Variants in PCDH15 observed in about 807,000 individuals in gnomAD.
PCDH15 encodes protocadherin-15.
A neutral mutation model predicts 178.5 loss-of-function variants in PCDH15; 129 were observed. The ratio of observed to expected loss-of-function variants is 0.72; its 90% CI spans 0.63 to 0.84. PCDH15 has a LOEUF of 0.84. Ranked by LOEUF, PCDH15 falls within the 40% of genes least tolerant of loss-of-function variation. The pLI, the probability that PCDH15 is intolerant of heterozygous loss-of-function variation, is 0.00. For synonymous variants in PCDH15, 800 were observed against 732.0 expected (o/e 1.09, Z -1.50); for missense variants, 2,230 against 2,099.9 (o/e 1.06, Z -1.21).
At chr10:55,609,413 C>T (rs916076037) in intron 2 of PCDH15, among the ~76,000 whole-genome samples, 3 of 152,056 alleles carry the variant, frequency 2.0e-5, no homozygotes, top group African/African-American at 7.2e-5. Context: ...TCTCATAGCT[C>T]TCATGGTAAT....
intron 2 of PCDH15, among the ~76,000 whole-genome samples, chr10:55,575,312 A>T (rs1291410372): frequency 6.6e-6 from 1 of 152,126 alleles, no homozygotes; most frequent in African/African-American, 2.4e-5. Context: ...ATCAGAGGTA[A>T]AAAAAGACAA....
At chr10:54,878,823 C>G (rs1954203062) in intron 3 of PCDH15, among the ~76,000 whole-genome samples, 2 of 152,068 alleles carry the variant, frequency 1.3e-5, no homozygotes, top group Non-Finnish European at 1.5e-5. Flanking sequence ...GCTCTCCCTC[C>G]CCCTACCCCA....
At chr10:54,279,038 C>T (rs949428767) in intron 8 of PCDH15, among the ~76,000 whole-genome samples, 1 of 151,410 alleles carries the variant, frequency 6.6e-6, no homozygotes, top group Non-Finnish European at 1.5e-5. Flanking sequence ...GCCTTTAAGC[C>T]CTCCTTTTTA....
intron 2 of PCDH15, among the ~76,000 whole-genome samples, chr10:54,598,654 G>A (rs746811324): frequency 6.6e-6 from 1 of 152,070 alleles, no homozygotes; most frequent in East Asian, 1.9e-4. Context: ...GAAATAAAAG[G>A]CATCCAAATA....
chr10:54,316,562 ACACACACACAC>A (rs755453378), intron 8 of PCDH15, among the ~76,000 whole-genome samples: 12 of 90,764 alleles, frequency 1.3e-4, no homozygotes, highest in African/African-American at 3.9e-4. Flanking sequence ...ACACACACAC[ACACACACACAC>A]ACAAATACAC....
intron 28 of PCDH15, among the ~76,000 whole-genome samples, chr10:53,852,208 G>A (rs959088441): frequency 2.0e-5 from 3 of 151,936 alleles, no homozygotes; most frequent in African/African-American, 4.8e-5. Flanking sequence ...ACAATTATTT[G>A]CCAATTATTT....
chr10:54,756,266 A>T (rs1036161627), intron 1 of PCDH15, among the ~76,000 whole-genome samples: 2 of 152,066 alleles, frequency 1.3e-5, no homozygotes, highest in Non-Finnish European at 2.9e-5. Context: ...ATAAAAAAGT[A>T]AAAAATAAAA....
chr10:54,627,235 G>A (rs1048344538), intron 2 of PCDH15, among the ~76,000 whole-genome samples: 1 of 152,028 alleles, frequency 6.6e-6, no homozygotes, highest in Admixed American at 6.6e-5. Context: ...GGGGACTCTC[G>A]GGAAGGCATA....
intron 15 of PCDH15, among the ~76,000 whole-genome samples, chr10:54,117,205 G>T (rs1220266259): frequency 6.6e-6 from 1 of 152,102 alleles, no homozygotes; most frequent in African/African-American, 2.4e-5. Flanking sequence ...GTGAATGTGG[G>T]GTCCAGTCAC....
chr10:53,998,083 T>C (rs112685979), intron 20 of PCDH15, among the ~76,000 whole-genome samples: 6 of 152,286 alleles, frequency 3.9e-5, no homozygotes, highest in African/African-American at 1.4e-4. Flanking sequence ...AAATGTTCTC[T>C]TGTGCAGTAA....
rs558999264 is a variant in PCDH15, at chr10:53,929,232, G to A, written c.3373+9583C>T. Among the ~76,000 whole-genome samples, 10 of 152,128 alleles carry A rather than the reference G, an allele frequency of 6.6e-5. No individual in the cohort carries two copies. In the East Asian group the frequency reaches 1.9e-3, roughly 29 times the overall value. ...ACCATGTTTCAAATCACATTTCCAA[G>A]GAAACCTATTGTGCACAATGCAATT... On this transcript the variant is annotated intron_variant, in intron 25 of 37. Coordinates refer to ENST00000644397, the MANE Select transcript of PCDH15 (RefSeq NM_001384140.1).
chr10:54,239,432 T>TATATATATAGAGAGAGAGAG (rs1554853331), intron 8 of PCDH15, among the ~76,000 whole-genome samples: 177 of 150,638 alleles, frequency 1.2e-3, no homozygotes, highest in African/African-American at 4.2e-3. Context: ...TATATATATA[T>TATATATATAGAGAGAGAGAG]AGAGTAAGAA....
intron 26 of PCDH15, 137 bp downstream of exon 26, chr10:53,903,106 A>G (rs1463296533): frequency 1.1e-5 from 10 of 928,314 alleles, no homozygotes; most frequent in African/African-American, 1.7e-5. Context: ...TTAGATAACT[A>G]AACTAATATA....
At chr10:54,850,602 T>C (rs1033420891) in intron 3 of PCDH15, among the ~76,000 whole-genome samples, 1 of 152,174 alleles carries the variant, frequency 6.6e-6, no homozygotes, top group Non-Finnish European at 1.5e-5. Context: ...TTTCATAATG[T>C]ATGTGTAACC....
At chr10:54,060,180 T>A (rs1166737601) in intron 18 of PCDH15, among the ~76,000 whole-genome samples, 1 of 152,228 alleles carries the variant, frequency 6.6e-6, no homozygotes, top group Non-Finnish European at 1.5e-5. Flanking sequence ...AAGACCAAGC[T>A]TTGGCTAACA....
chr10:54,882,708 G>C (rs1371573658), intron 3 of PCDH15, among the ~76,000 whole-genome samples: 1 of 151,872 alleles, frequency 6.6e-6, no homozygotes, highest in Admixed American at 6.6e-5. Context: ...ATTATACTTA[G>C]TTTTCCATTT....
chr10:55,576,624 A>G (rs1564462303), intron 2 of PCDH15, among the ~76,000 whole-genome samples: 1 of 152,180 alleles, frequency 6.6e-6, no homozygotes. Context: ...AAATGTTTTT[A>G]GTTTCAAATC....
At chr10:54,140,118 T>G (rs1280193714) in intron 14 of PCDH15, among the ~76,000 whole-genome samples, 3 of 152,174 alleles carry the variant, frequency 2.0e-5, no homozygotes, top group African/African-American at 7.2e-5. Flanking sequence ...TTTGGCTAAT[T>G]AGCATTGTTC....
chr10:53,891,043 C>T (rs2081520653), intron 26 of PCDH15, among the ~76,000 whole-genome samples: 2 of 151,854 alleles, frequency 1.3e-5, no homozygotes, highest in Admixed American at 6.6e-5. Context: ...AATTAAGATA[C>T]ATTTATAGAA....
Sources: gnomAD v4.1 joint callset for allele counts (sites outside exome capture counted in the v4.1 genomes callset) on GRCh38, gnomAD v4.1.1 for gene constraint, MANE v1.5 for transcripts, NCBI Gene and HGNC (gene_info 2026-07-23, HGNC 2026-07-21) for gene names.